KCNH1: variants seen among roughly 807,000 people sequenced by gnomAD.
The protein encoded by KCNH1 is potassium voltage-gated channel subfamily H member 1, also known as voltage-gated delayed rectifier potassium channel KCNH1.
Under a neutral mutation model 69.2 loss-of-function variants are expected in KCNH1, and 27 were observed. The observed-to-expected ratio is 0.39, with a 90% CI of 0.29 to 0.54. The LOEUF is 0.54. Among genes scored for constraint, KCNH1 ranks in the 20% least tolerant of loss-of-function variants. The pLI is 0.68. For missense variants in KCNH1, 798 were observed against 1,261.6 expected (o/e 0.63, Z 5.57); for synonymous variants, 456 against 487.7 (o/e 0.93, Z 0.86).
intron 9 of KCNH1, among the ~76,000 whole-genome samples, chr1:210,791,241 C>T (rs558536072): frequency 6.6e-6 from 1 of 152,200 alleles, no homozygotes; most frequent in Non-Finnish European, 1.5e-5. Flanking sequence ...TCCTCACGTT[C>T]ATCATCTCAC....
intron 9 of KCNH1, among the ~76,000 whole-genome samples, chr1:210,783,295 A>G (rs1684027296): frequency 6.6e-6 from 1 of 152,170 alleles, no homozygotes; most frequent in Admixed American, 6.5e-5. Context: ...TCAACATTCA[A>G]TGACACCTGC....
chr1:211,106,451 C>T (rs1273199961), intron 2 of KCNH1, among the ~76,000 whole-genome samples: 2 of 152,050 alleles, frequency 1.3e-5, no homozygotes, highest in Non-Finnish European at 2.9e-5. Context: ...AATTAGAAGG[C>T]AACAAAATAT....
At chr1:210,828,749 C>A (rs766526756) in intron 7 of KCNH1, among the ~76,000 whole-genome samples, 1 of 152,152 alleles carries the variant, frequency 6.6e-6, no homozygotes, top group African/African-American at 2.4e-5. Flanking sequence ...GGGTGCTACT[C>A]CTGTATGGAA....
intron 3 of KCNH1, among the ~76,000 whole-genome samples, chr1:211,098,223 AG>A (rs1691193309): frequency 1.3e-5 from 2 of 151,390 alleles, no homozygotes; most frequent in Non-Finnish European, 2.9e-5. Flanking sequence ...TGGGTGGCTG[AG>A]ATGGGAGGAT....
Position 211,047,665 on chromosome 1 carries a change from A to G in KCNH1, c.559-28409T>C, listed in dbSNP as rs141034171. 9.8e-5 allele frequency among the ~76,000 whole-genome samples: 15 copies of G among 152,316 alleles called. No individual in the cohort carries two copies. In the East Asian group the frequency reaches 2.7e-3, roughly 27 times the overall value. ...CTATGAAGATCAAATCAGAATATAG[A>G]TACAAGTGAGTGTGTGTGTGTGTAC... On this transcript the variant is annotated intron_variant, in intron 5 of 10. Coordinates refer to ENST00000271751, the MANE Select transcript of KCNH1 (RefSeq NM_172362.3).
At chr1:210,938,877 G>A (rs1288737081) in intron 6 of KCNH1, among the ~76,000 whole-genome samples, 1 of 152,166 alleles carries the variant, frequency 6.6e-6, no homozygotes, top group African/African-American at 2.4e-5. Flanking sequence ...GTCACTCTCT[G>A]ACTTGAATTC....
At chr1:210,863,688 G>A (rs1002643005) in intron 7 of KCNH1, among the ~76,000 whole-genome samples, 5 of 152,172 alleles carry the variant, frequency 3.3e-5, no homozygotes, top group Non-Finnish European at 7.3e-5. Context: ...GCTCTTATTA[G>A]GAAATCGGGG....
intron 6 of KCNH1, among the ~76,000 whole-genome samples, chr1:210,995,518 C>G (rs1332137576): frequency 6.6e-6 from 1 of 152,136 alleles, no homozygotes; most frequent in Non-Finnish European, 1.5e-5. Context: ...TAAGCAGACC[C>G]AAAACACCTT....
chr1:210,950,369 C>CG (rs1688042089), intron 6 of KCNH1, among the ~76,000 whole-genome samples: 3 of 28,902 alleles, frequency 1.0e-4, no homozygotes, highest in Admixed American at 5.3e-4. Context: ...TCCCTCCCCC[C>CG]TCCCCCACCC....
chr1:210,745,163 C>T (rs535224340), intron 10 of KCNH1, among the ~76,000 whole-genome samples: 82 of 52,854 alleles, frequency 1.6e-3, no homozygotes, highest in African/African-American at 4.4e-3. Context: ...GAGGTCATGC[C>T]ACTGCACTCC....
At chr1:210,893,503 T>A (rs1398725764) in intron 7 of KCNH1, among the ~76,000 whole-genome samples, 1 of 152,052 alleles carries the variant, frequency 6.6e-6, no homozygotes, top group African/African-American at 2.4e-5. Flanking sequence ...TGTGTTTTCA[T>A]GTTTCTTCTG....
At chr1:210,871,134 A>G (rs1459730052) in intron 7 of KCNH1, among the ~76,000 whole-genome samples, 2 of 152,192 alleles carry the variant, frequency 1.3e-5, no homozygotes, top group Non-Finnish European at 2.9e-5. Flanking sequence ...ATGGGAGAAA[A>G]TCTTCACAAC....
intron 7 of KCNH1, among the ~76,000 whole-genome samples, chr1:210,823,926 C>A (rs914055812): frequency 6.6e-6 from 1 of 151,604 alleles, no homozygotes; most frequent in Admixed American, 6.6e-5. Context: ...GTGCACCATG[C>A]TCCAAATGTG....
chr1:210,915,857 A>G (rs1687323415), intron 7 of KCNH1, among the ~76,000 whole-genome samples: 1 of 152,208 alleles, frequency 6.6e-6, no homozygotes, highest in Non-Finnish European at 1.5e-5. Context: ...AATCTATATT[A>G]TGGCTAATAT....
chr1:211,085,011 T>C (rs1192182273), intron 4 of KCNH1, among the ~76,000 whole-genome samples: 1 of 152,172 alleles, frequency 6.6e-6, no homozygotes, highest in Non-Finnish European at 1.5e-5. Context: ...CAGAATGCTG[T>C]GGCCAAGACT....
intron 6 of KCNH1, among the ~76,000 whole-genome samples, chr1:210,964,749 T>C (rs892920993): frequency 2.0e-5 from 3 of 152,212 alleles, no homozygotes; most frequent in Admixed American, 1.3e-4. Flanking sequence ...TAACTCATTT[T>C]ATGAGGCCAG....
At chr1:211,065,542 A>G (rs1411321654) in intron 5 of KCNH1, among the ~76,000 whole-genome samples, 1 of 152,168 alleles carries the variant, frequency 6.6e-6, no homozygotes, top group Non-Finnish European at 1.5e-5. Flanking sequence ...GATAGGAAGA[A>G]TAAGTGCAAG....
chr1:210,871,616 G>A (rs1028885288), intron 7 of KCNH1, among the ~76,000 whole-genome samples: 6 of 151,982 alleles, frequency 3.9e-5, no homozygotes, highest in African/African-American at 9.7e-5. Context: ...TGTTTATTGC[G>A]GCATTATTCA....
chr1:210,724,721 A>G (rs1310367222), intron 10 of KCNH1, among the ~76,000 whole-genome samples: 1 of 152,144 alleles, frequency 6.6e-6, no homozygotes, highest in South Asian at 2.1e-4. Context: ...TCAGGGTCTC[A>G]TAATAGCTTC....
Sources: gnomAD v4.1 joint callset for allele counts (sites outside exome capture counted in the v4.1 genomes callset) on GRCh38, gnomAD v4.1.1 for gene constraint, MANE v1.5 for transcripts, NCBI Gene and HGNC (gene_info 2026-07-23, HGNC 2026-07-21) for gene names.